Variants in FAM193A observed in about 807,000 individuals in gnomAD.
The protein encoded by FAM193A is protein FAM193A.
FAM193A carries 22 observed loss-of-function variants against 126.5 expected under a neutral mutation model. The ratio of observed to expected loss-of-function variants is 0.17; its 90% CI spans 0.12 to 0.25. The LOEUF (loss-of-function observed/expected upper bound fraction) is 0.25. FAM193A is among the 10% of genes least tolerant of loss of function. The pLI, the probability that FAM193A is intolerant of heterozygous loss-of-function variation, is 1.00. For synonymous variants in FAM193A, 761 were observed against 646.8 expected (o/e 1.18, Z -2.68); for missense variants, 1,675 against 1,672.8 (o/e 1.00, Z -0.02).
intron 1 of FAM193A, among the ~76,000 whole-genome samples, chr4:2,588,443 T>G (rs1740354333): frequency 6.6e-6 from 1 of 152,180 alleles, no homozygotes; most frequent in African/African-American, 2.4e-5. Flanking sequence ...CCCCACTGTT[T>G]TAGGTCACTG....
At chr4:2,709,062 A>G (rs995348609) in intron 19 of FAM193A, among the ~76,000 whole-genome samples, 2 of 151,588 alleles carry the variant, frequency 1.3e-5, no homozygotes, top group South Asian at 2.1e-4. Context: ...TTTAATGTTA[A>G]AAAAAAATCC....
chr4:2,610,521 A>G (rs1741802670), intron 2 of FAM193A, among the ~76,000 whole-genome samples: 1 of 152,228 alleles, frequency 6.6e-6, no homozygotes, highest in Non-Finnish European at 1.5e-5. Flanking sequence ...TTACAGAAAG[A>G]TAAGCTGAGT....
chr4:2,672,722 CT>C (rs1713961829), intron 13 of FAM193A, among the ~76,000 whole-genome samples: 1 of 152,204 alleles, frequency 6.6e-6, no homozygotes, highest in South Asian at 2.1e-4. Context: ...TGCTCTTCTT[CT>C]TAATTTGATA....
chr4:2,690,873 C>T lies in FAM193A; in HGVS notation c.2706C>T (p.Ala902=). Residue 902 remains alanine (A), a synonymous_variant, in exon 15 of 21, where the codon GCC becomes GCT. Coordinates refer to ENST00000637812, the MANE Select transcript of FAM193A (RefSeq NM_001366318.2). The part of the protein sequence containing the change: ...AFMEANKVVM[A]TSSATSSVSC... ...TGGAAGCAAATAAAGTTGTCATGGCCACGTCATCAGCCACGTCCTCTGTGT... is the reference window on the plus strand; with the variant it reads ...TGGAAGCAAATAAAGTTGTCATGGCTACGTCATCAGCCACGTCCTCTGTGT... 2 of 1,614,072 alleles carry T rather than the reference C, an allele frequency of 1.2e-6. No individual in the cohort carries two copies. Among genetic ancestry groups the T allele is most frequent in the East Asian group, 2.2e-5 (1 of 44,896 alleles).
In FAM193A at chr4:2,679,829, CAT is replaced by C. The variant is rs1714894858; in HGVS notation, c.2331+7458_2331+7459del. 2.0e-5 allele frequency among the ~76,000 whole-genome samples: 3 copies of C among 151,126 alleles called. No homozygotes were observed. The South Asian group carries it at 6.3e-4, about 32-fold the overall frequency. On this transcript the variant is annotated intron_variant, in intron 13 of 20. Coordinates refer to ENST00000637812, the MANE Select transcript of FAM193A (RefSeq NM_001366318.2). ...ATTTGGTAGAATTGACTAGTGAAGC[CAT>C]CAGGTTTGGGGCTTTTCTTTATTGG...
chr4:2,664,001 C>G (rs188458515), intron 12 of FAM193A, among the ~76,000 whole-genome samples: 1 of 152,084 alleles, frequency 6.6e-6, no homozygotes, highest in East Asian at 1.9e-4. Context: ...AATAAGCAGT[C>G]TTTAAATGAA....
intron 16 of FAM193A, among the ~76,000 whole-genome samples, chr4:2,694,141 G>A (rs1366158227): frequency 1.3e-5 from 2 of 152,180 alleles, no homozygotes; most frequent in South Asian, 2.1e-4. Flanking sequence ...CATCGGGGGT[G>A]TGCATTGTTT....
intron 2 of FAM193A, among the ~76,000 whole-genome samples, chr4:2,623,195 G>A (rs902273888): frequency 5.3e-5 from 8 of 150,764 alleles, no homozygotes; most frequent in East Asian, 2.0e-4. Context: ...TTTTTGAGAC[G>A]GAGTCTTGCT....
chr4:2,542,431 A>G (rs1737290854), intron 1 of FAM193A, among the ~76,000 whole-genome samples: 1 of 152,234 alleles, frequency 6.6e-6, no homozygotes, highest in Non-Finnish European at 1.5e-5. Context: ...GGCGTGAGCC[A>G]CTGCACCTGG....
chr4:2,671,299 C>G (rs577734090), intron 12 of FAM193A, among the ~76,000 whole-genome samples: 3 of 152,212 alleles, frequency 2.0e-5, no homozygotes, highest in African/African-American at 4.8e-5. Context: ...TGCCACTCAC[C>G]CCAGTTGGGA....
chr4:2,585,782 G>T (rs1453192195), intron 1 of FAM193A, among the ~76,000 whole-genome samples: 2 of 152,158 alleles, frequency 1.3e-5, no homozygotes, highest in African/African-American at 4.8e-5. Context: ...ACAGAAATTA[G>T]CTGGGTGTGG....
At chr4:2,552,008 ATTTTTT>A (rs71178476) in intron 1 of FAM193A, among the ~76,000 whole-genome samples, 1 of 111,732 alleles carries the variant, frequency 8.9e-6, no homozygotes, top group Non-Finnish European at 1.7e-5. Context: ...GTCTGGGTAA[ATTTTTT>A]TTTTTTTTTT....
At chr4:2,722,129 G>A (rs374487584) in intron 20 of FAM193A, among the ~76,000 whole-genome samples, 3 of 152,278 alleles carry the variant, frequency 2.0e-5, no homozygotes, top group East Asian at 1.9e-4. Context: ...ACAGCACGGC[G>A]CCACGGTTAG....
At chr4:2,724,350 T>A (rs1384810252) in intron 20 of FAM193A, among the ~76,000 whole-genome samples, 1 of 152,184 alleles carries the variant, frequency 6.6e-6, no homozygotes, top group African/African-American at 2.4e-5. Context: ...TCAAAATCAC[T>A]TTTTCCTTTG....
Position 2,696,436 on chromosome 4 carries a change from A to G in FAM193A, c.3350A>G (p.Lys1117Arg). The G allele has an allele frequency of 1.2e-6, 2 of 1,614,266 alleles. No individual in the cohort carries two copies. The highest frequency in any genetic ancestry group is 1.7e-6 in the Non-Finnish European group (2 of 1,180,044). The change falls in exon 18 of 21, where the codon AAA becomes AGA. Residue 1117 changes from lysine (K) to arginine (R), a missense_variant. Around this residue, in one of 4 missense-constraint regions of FAM193A, gnomAD observed 54 missense variants for 114.8 expected, o/e 0.47. Transcript: ENST00000637812. ...EKLRLRLTKR[K>R]EEQPKKMDQI... The stretch of plus-strand genomic sequence containing the variant: ...CTTCGCTTACGGCTGACCAAGAGGA[A>G]AGAGGAGCAACCTAAAAAAATGGAC...
chr4:2,712,307 C>T (rs1378262988), intron 19 of FAM193A, among the ~76,000 whole-genome samples: 2 of 152,208 alleles, frequency 1.3e-5, no homozygotes, highest in African/African-American at 4.8e-5. Flanking sequence ...TTTGTGTCCT[C>T]ATGGCCTGTC....
chr4:2,606,072 A>C (rs1741532799), intron 2 of FAM193A, among the ~76,000 whole-genome samples: 1 of 40,856 alleles, frequency 2.4e-5, no homozygotes, highest in Non-Finnish European at 4.6e-5. Context: ...TTTTTTTGAG[A>C]CAGTGTCTCA....
At chr4:2,641,929 C>T (rs1197972570) in intron 6 of FAM193A, among the ~76,000 whole-genome samples, 2 of 151,114 alleles carry the variant, frequency 1.3e-5, no homozygotes, top group Non-Finnish European at 3.0e-5. Context: ...CAGCGAGACC[C>T]CATCTCTTAA....
chr4:2,650,427 C>T (rs550801642), intron 7 of FAM193A, among the ~76,000 whole-genome samples: 123 of 152,278 alleles, frequency 8.1e-4, no homozygotes, highest in East Asian at 7.7e-4. Context: ...GGCGAGGGGC[C>T]GGCTTTCCTG....
Sources: allele counts gnomAD v4.1 joint callset (sites outside exome capture counted in the v4.1 genomes callset), GRCh38; gene constraint gnomAD v4.1.1; regional missense constraint gnomAD v4.1.1; transcripts MANE v1.5; gene names NCBI Gene and HGNC (gene_info 2026-07-23, HGNC 2026-07-21).